The following ROBO2 variants were observed in gnomAD, a reference collection of about 807,000 sequenced individuals.
ROBO2 encodes roundabout homolog 2.
In ROBO2, 53 loss-of-function variants were observed where a neutral mutation model predicts 160.8. The observed-to-expected ratio is 0.33, with a 90% CI of 0.26 to 0.41. The LOEUF (loss-of-function observed/expected upper bound fraction) is 0.41, where lower values mean the gene tolerates loss of function less well. Ranked by LOEUF, ROBO2 falls within the 10% of genes least tolerant of loss-of-function variation. The pLI, the probability that ROBO2 is intolerant of heterozygous loss-of-function variation, is 1.00. For missense variants in ROBO2, 1,577 were observed against 1,722.4 expected (o/e 0.92, Z 1.49); for synonymous variants, 664 against 611.7 (o/e 1.09, Z -1.26).
intron 2 of ROBO2, among the ~76,000 whole-genome samples, chr3:76,483,766 C>G (rs1470848335): frequency 1.3e-5 from 2 of 152,078 alleles, no homozygotes; most frequent in East Asian, 3.9e-4. Flanking sequence ...CCCTATGTGT[C>G]CATGAGTTCT....
At chr3:77,632,102 A>T (rs1179377467) in intron 23 of ROBO2, 3 of 156,124 alleles carry the variant, frequency 1.9e-5, no homozygotes, top group African/African-American at 4.8e-5. Context: ...TCTTCAACTG[A>T]GTCTTTGATA....
At chr3:76,755,372 G>C (rs2060910291) in intron 2 of ROBO2, among the ~76,000 whole-genome samples, 1 of 151,776 alleles carries the variant, frequency 6.6e-6, no homozygotes, top group South Asian at 2.1e-4. Flanking sequence ...ATCTACCCCA[G>C]AGTAAGGACT....
intron 2 of ROBO2, among the ~76,000 whole-genome samples, chr3:76,571,862 G>A (rs887507724): frequency 6.6e-6 from 1 of 152,028 alleles, no homozygotes; most frequent in Non-Finnish European, 1.5e-5. Flanking sequence ...TGAAAATAAT[G>A]GAAGTAAATT....
intron 1 of ROBO2, among the ~76,000 whole-genome samples, chr3:77,089,242 A>G (rs1027619023): frequency 7.2e-5 from 11 of 152,218 alleles, no homozygotes; most frequent in Non-Finnish European, 1.3e-4. Flanking sequence ...AGACAAGTAT[A>G]TCCTTCTAGT....
At chr3:76,104,745 T>C (rs1392791767) in intron 2 of ROBO2, among the ~76,000 whole-genome samples, 2 of 152,270 alleles carry the variant, frequency 1.3e-5, no homozygotes, top group East Asian at 3.9e-4. Flanking sequence ...CTAGCGAGTA[T>C]GATGGAGGGC....
chr3:77,021,922 A>C (rs1339537470), intron 2 of ROBO2, among the ~76,000 whole-genome samples: 1 of 152,194 alleles, frequency 6.6e-6, no homozygotes, highest in East Asian at 1.9e-4. Flanking sequence ...CAGCCTCCAG[A>C]AATATGAGAA....
chr3:77,452,577 A>G (rs1463572198), intron 2 of ROBO2, among the ~76,000 whole-genome samples: 2 of 152,160 alleles, frequency 1.3e-5, no homozygotes, highest in African/African-American at 2.4e-5. Context: ...ATATAATAAT[A>G]CGTAATTTTG....
chr3:77,290,879 C>A (rs9822173), intron 2 of ROBO2, among the ~76,000 whole-genome samples: 2 of 56,920 alleles, frequency 3.5e-5, no homozygotes, highest in Non-Finnish European at 4.3e-5. Context: ...GTAAAATTGA[C>A]GGTTAAACGG....
intron 2 of ROBO2, among the ~76,000 whole-genome samples, chr3:77,021,708 C>A (rs2062648506): frequency 6.6e-6 from 1 of 152,142 alleles, no homozygotes. Flanking sequence ...GTTCCTGGAT[C>A]ATGATGACCC....
chr3:77,361,956 C>G (rs951710397), intron 2 of ROBO2, among the ~76,000 whole-genome samples: 19 of 152,052 alleles, frequency 1.2e-4, no homozygotes, highest in African/African-American at 4.3e-4. Flanking sequence ...AAGGGATGAG[C>G]AAAACAAACT....
intron 2 of ROBO2, among the ~76,000 whole-genome samples, chr3:77,423,015 A>G (rs187516122): frequency 1.3e-5 from 2 of 152,274 alleles, no homozygotes; most frequent in East Asian, 3.9e-4. Context: ...AGAGTTATAC[A>G]ATCTAGAAGT....
chr3:77,441,175 A>G (rs538860377), intron 2 of ROBO2, among the ~76,000 whole-genome samples: 34 of 152,090 alleles, frequency 2.2e-4, no homozygotes, highest in Non-Finnish European at 3.8e-4. Flanking sequence ...TGGCTTTACA[A>G]CAGGGCAGCC....
intron 1 of ROBO2, among the ~76,000 whole-genome samples, chr3:77,041,802 AT>A (rs548614205): frequency 9.1e-4 from 137 of 150,418 alleles, no homozygotes; most frequent in Non-Finnish European, 1.3e-3. Context: ...AGTACTAGAT[AT>A]TTTTTTTTTC....
chr3:77,040,949 A>G, intron 1 of ROBO2, 103 bp downstream of exon 1: 1 of 1,492,864 alleles, frequency 6.7e-7, no homozygotes, highest in Non-Finnish European at 9.3e-7. Flanking sequence ...AAATGACATT[A>G]TGTCTGTTAG....
chr3:76,248,504 G>T (rs71195256), intron 2 of ROBO2, among the ~76,000 whole-genome samples: 103,021 of 136,104 alleles, frequency 0.76, 39,647 homozygotes, highest in Non-Finnish European at 0.86. Flanking sequence ...GGTCGGGGGA[G>T]GGGGGAGGGA....
At chr3:76,105,895 T>C (rs1339512747) in intron 2 of ROBO2, among the ~76,000 whole-genome samples, 2 of 152,154 alleles carry the variant, frequency 1.3e-5, no homozygotes, top group Non-Finnish European at 2.9e-5. Flanking sequence ...TAACAAAGAT[T>C]ATCACCTACT....
intron 2 of ROBO2, among the ~76,000 whole-genome samples, chr3:77,361,499 G>A (rs139382739): frequency 6.6e-6 from 1 of 152,238 alleles, no homozygotes; most frequent in East Asian, 1.9e-4. Flanking sequence ...CTTAGGCTGA[G>A]TAATTTAGAC....
chr3:77,201,994 T>C (rs746361156), intron 2 of ROBO2, among the ~76,000 whole-genome samples: 1 of 152,156 alleles, frequency 6.6e-6, no homozygotes, highest in African/African-American at 2.4e-5. Context: ...ATTCCTAGGA[T>C]TAAAACAAAT....
intron 20 of ROBO2, 61 bp from the exon 22 acceptor site, chr3:77,607,737 C>A: frequency 6.9e-7 from 1 of 1,452,454 alleles, no homozygotes; most frequent in Non-Finnish European, 9.7e-7. Flanking sequence ...ACCTTGCCAT[C>A]TGATGTATTC....
Sources: allele counts gnomAD v4.1 joint callset (sites outside exome capture counted in the v4.1 genomes callset), GRCh38; gene constraint gnomAD v4.1.1; transcripts MANE v1.5; gene names NCBI Gene and HGNC (gene_info 2026-07-23, HGNC 2026-07-21).